Variants in PRDM16 observed in about 807,000 individuals in gnomAD.
PRDM16 encodes the protein PR/SET domain 16.
A neutral mutation model predicts 110.6 loss-of-function variants in PRDM16; 23 were observed. That is an observed-to-expected ratio of 0.21 (90% CI 0.15 to 0.29). The LOEUF is 0.29. Among genes scored for constraint, PRDM16 ranks in the 10% least tolerant of loss-of-function variants. PRDM16 has a pLI of 1.00. For synonymous variants in PRDM16, 799 were observed against 781.8 expected (o/e 1.02, Z -0.37); for missense variants, 1,615 against 1,794.3 (o/e 0.90, Z 1.81).
In PRDM16 at chr1:3,370,470, A is replaced by G. The variant is rs1642886355; in HGVS notation, c.439-14682A>G. On this transcript the variant is annotated intron_variant, in intron 3 of 16. Transcript: ENST00000270722. This position sits in a 1 kb window ranked among gnomAD's most constrained non-coding sequence, Gnocchi z 4.8. ...TCATTCATTTGTTCCCCAAGCATGC[A>G]TTGAGCACTCATGGTTTGCCTGGCT... Among the ~76,000 whole-genome samples the G allele has an allele frequency of 6.6e-6, 1 of 152,146 alleles. No individual in the cohort carries two copies. The highest frequency in any genetic ancestry group is 1.5e-5 in the Non-Finnish European group (1 of 68,038).
Position 3,369,510 on chromosome 1 carries a change from C to T in PRDM16, c.439-15642C>T, listed in dbSNP as rs186551276. ...AGTTTCCAGCATCTCCGTTCTTCCACATCCGCTGGGCAGCTGGGTATGAGG... is the reference window on the plus strand; with the variant it reads ...AGTTTCCAGCATCTCCGTTCTTCCATATCCGCTGGGCAGCTGGGTATGAGG... On this transcript the variant is annotated intron_variant, in intron 3 of 16. Transcript: ENST00000270722. 5.3e-5 allele frequency among the ~76,000 whole-genome samples: 8 copies of T among 151,362 alleles called. No homozygotes were observed. The East Asian group carries it at 1.5e-3, about 29-fold the overall frequency.
At chr1:3,402,481 G>T (rs1643488600) in intron 5 of PRDM16, among the ~76,000 whole-genome samples, 1 of 152,242 alleles carries the variant, frequency 6.6e-6, no homozygotes, top group South Asian at 2.1e-4. Flanking sequence ...CCCGAGCGGG[G>T]CCTTCTCCAG....
Position 3,321,849 on chromosome 1 carries a change from CGT to C in PRDM16, c.439-63297_439-63296del, listed in dbSNP as rs756820660. 9.8e-5 allele frequency among the ~76,000 whole-genome samples: 14 copies of C among 143,060 alleles called. No individual in the cohort carries two copies. The East Asian group carries it at 1.1e-3, about 11-fold the overall frequency. The allele number at this position is 143,060 out of a possible 152,430, so 93.9% of individuals were successfully genotyped here. A position where few individuals can be genotyped will look rare whatever the true frequency, so the allele number is the denominator to read the frequency against. Reference sequence around the variant, plus strand: ...ACATGTGTGCATTTGTGTGTGGGTCCGTGTGTGAGTGTGTGCATTTGTGTGTG... The same window carrying C: ...ACATGTGTGCATTTGTGTGTGGGTCCGTGTGAGTGTGTGCATTTGTGTGTG... On this transcript the variant is annotated intron_variant, in intron 3 of 16. Transcript: ENST00000270722.
chr1:3,353,549 AGCCAAGTACTGGGG>A lies in PRDM16; in HGVS notation c.439-31598_439-31585del, dbSNP rs1642535958. On this transcript the variant is annotated intron_variant, in intron 3 of 16. Transcript: ENST00000270722. The surrounding 1 kb of genome is among the most constrained non-coding windows in gnomAD (Gnocchi z 5.4). The stretch of plus-strand genomic sequence containing the variant: ...CCCTCGGGCCACCCCGTTACACTCC[AGCCAAGTACTGGGG>A]GCCACGGGCTGAGGGCACAGGCCAC... Among the ~76,000 whole-genome samples, 1 of 152,178 alleles carries A rather than the reference AGCCAAGTACTGGGG, an allele frequency of 6.6e-6. No individual in the cohort carries two copies. Among genetic ancestry groups the A allele is most frequent in the Non-Finnish European group, 1.5e-5 (1 of 68,012 alleles).
chr1:3,150,256 C>T (rs1643750702), intron 1 of PRDM16, among the ~76,000 whole-genome samples: 1 of 152,170 alleles, frequency 6.6e-6, no homozygotes, highest in South Asian at 2.1e-4. Flanking sequence ...CCTTGGCTAT[C>T]TAAAAATTGA....
chr1:3,394,318 G>A (rs1643349176), intron 4 of PRDM16, among the ~76,000 whole-genome samples: 1 of 149,970 alleles, frequency 6.7e-6, no homozygotes, highest in Non-Finnish European at 1.5e-5. Flanking sequence ...AGGCTCGGAG[G>A]CGCTCGGAGG....
At chr1:3,366,968 G>A (rs914865033) in intron 3 of PRDM16, among the ~76,000 whole-genome samples, 1 of 152,158 alleles carries the variant, frequency 6.6e-6, no homozygotes, top group Non-Finnish European at 1.5e-5. Context: ...GCTGACGACC[G>A]GTTAAAGATG....
At chr1:3,239,886 G>T (rs985302326) in intron 2 of PRDM16, among the ~76,000 whole-genome samples, 8 of 152,128 alleles carry the variant, frequency 5.3e-5, no homozygotes, top group African/African-American at 1.9e-4. Context: ...GGAGGTCGAG[G>T]TTGCAGTGAG....
chr1:3,390,938 C>T lies in PRDM16; in HGVS notation c.574-5553C>T, dbSNP rs1480348942. Among the ~76,000 whole-genome samples the T allele has an allele frequency of 2.0e-5, 3 of 151,464 alleles. No homozygotes were observed. Among genetic ancestry groups the T allele is most frequent in the African/African-American group, 7.3e-5 (3 of 41,236 alleles). On this transcript the variant is annotated intron_variant, in intron 4 of 16. Transcript: ENST00000270722. The surrounding 1 kb of genome is among the most constrained non-coding windows in gnomAD (Gnocchi z 5.0). ...GCAACCTCCGCCTCCCGGGTTCAAG[C>T]GATTCTCCTGTCTCAGCCTCTCAAG... is the stretch of plus-strand genomic sequence containing the variant.
At chr1:3,166,322 G>A (rs1253361510) in intron 1 of PRDM16, among the ~76,000 whole-genome samples, 1 of 152,256 alleles carries the variant, frequency 6.6e-6, no homozygotes, top group Non-Finnish European at 1.5e-5. Flanking sequence ...ATGCCCACGA[G>A]GGGTCCCTGC....
intron 2 of PRDM16, among the ~76,000 whole-genome samples, chr1:3,224,437 T>C (rs1434735141): frequency 6.6e-6 from 1 of 151,966 alleles, no homozygotes; most frequent in Non-Finnish European, 1.5e-5. Flanking sequence ...CAGCTTCCAA[T>C]TGCCACTCTC....
intron 1 of PRDM16, among the ~76,000 whole-genome samples, chr1:3,087,195 C>T (rs146420946): frequency 0.021 from 3,121 of 149,492 alleles, 115 homozygotes; most frequent in East Asian, 0.17. Flanking sequence ...CAGCCCCACC[C>T]GAGACCAGCC....
In PRDM16 at chr1:3,181,232, G is replaced by C. The variant is rs113074148; in HGVS notation, c.38-4893G>C. On this transcript the variant is annotated intron_variant, in intron 1 of 16. Coordinates refer to ENST00000270722, the MANE Select transcript of PRDM16 (RefSeq NM_022114.4). ...GTCTTACACACGCAGTCTTACACAC[G>C]GTCTTACACACAGTCTTACACACGC... is the stretch of plus-strand genomic sequence containing the variant. Among the ~76,000 whole-genome samples the C allele has an allele frequency of 5.3e-3, 414 of 78,210 alleles. 3 individuals carry two copies. Among genetic ancestry groups the C allele is most frequent in the African/African-American group, 0.016 (394 of 24,892 alleles). 51.3% of individuals were successfully genotyped at this position (78,210 alleles called of 152,430 possible). A position where few individuals can be genotyped will look rare whatever the true frequency, so the allele number is the denominator to read the frequency against.
chr1:3,129,160 G>T (rs1643278134), intron 1 of PRDM16, among the ~76,000 whole-genome samples: 1 of 148,370 alleles, frequency 6.7e-6, no homozygotes, highest in Non-Finnish European at 1.5e-5. Context: ...GTGCGTGTGT[G>T]GGTGGGTGTG....
intron 1 of PRDM16, among the ~76,000 whole-genome samples, chr1:3,183,183 T>C (rs1260438458): frequency 6.6e-6 from 1 of 152,166 alleles, no homozygotes; most frequent in Non-Finnish European, 1.5e-5. Context: ...GCCTGGGTGG[T>C]AGGCCAGTGA....
At chr1:3,421,191 C>G (rs1329892172) in intron 12 of PRDM16, among the ~76,000 whole-genome samples, 1 of 152,178 alleles carries the variant, frequency 6.6e-6, no homozygotes, top group Non-Finnish European at 1.5e-5. Context: ...AGCAGATCCC[C>G]CTGTAGTGGC....
At position 3,412,698 on chromosome 1, in the gene PRDM16, G is replaced by A. The variant is rs759104573; in HGVS notation, c.2501G>A (p.Gly834Asp). Reference sequence around the variant, plus strand: ...CACGTCTATGGGGAACGCAAGCTGGGCGCCGGCGAGGGGCTGCCCCAGGTG... The same window carrying A: ...CACGTCTATGGGGAACGCAAGCTGGACGCCGGCGAGGGGCTGCCCCAGGTG... ...KNHVYGERKL[G>D]AGEGLPQVCP... Residue 834 changes from glycine (G) to aspartate (D), a missense_variant, in exon 9 of 17, where the codon GGC becomes GAC. Physicochemically the swap from Gly to Asp is moderately conservative, Grantham distance 94. Transcript: ENST00000270722. 1.3e-5 allele frequency: 20 copies of A among 1,494,500 alleles called. No individual in the cohort carries two copies. Among genetic ancestry groups the A allele is most frequent in the Non-Finnish European group, 1.8e-5 (20 of 1,121,902 alleles). 92.6% of individuals were successfully genotyped at this position (1,494,500 alleles called of 1,614,324 possible). A position where few individuals can be genotyped will look rare whatever the true frequency, so the allele number is the denominator to read the frequency against.
chr1:3,296,505 C>A (rs1641092561), intron 3 of PRDM16, among the ~76,000 whole-genome samples: 1 of 152,266 alleles, frequency 6.6e-6, no homozygotes, highest in Non-Finnish European at 1.5e-5. Flanking sequence ...CCAGCCCTAA[C>A]CCGGGGCCTC....
Position 3,213,395 on chromosome 1 carries a change from G to A in PRDM16, c.387+26921G>A, listed in dbSNP as rs1449518617. On this transcript the variant is annotated intron_variant, in intron 2 of 16. Transcript: ENST00000270722. The surrounding 1 kb of genome is among the most constrained non-coding windows in gnomAD (Gnocchi z 5.3). Reference sequence around the variant, plus strand: ...GGGGGCGGGATGGCGGGTCCTGGGCGTCTCGGCTCCGCCATTGTCATTAAT... The same window carrying A: ...GGGGGCGGGATGGCGGGTCCTGGGCATCTCGGCTCCGCCATTGTCATTAAT... 3.3e-5 allele frequency among the ~76,000 whole-genome samples: 5 copies of A among 152,192 alleles called. No homozygotes were observed. Among genetic ancestry groups the A allele is most frequent in the East Asian group, 1.9e-4 (1 of 5,180 alleles).
Sources: gnomAD v4.1 joint callset for allele counts (sites outside exome capture counted in the v4.1 genomes callset) on GRCh38, gnomAD v4.1.1 for gene constraint, Gnocchi (gnomAD v3.1) non-coding constraint, MANE v1.5 for transcripts, NCBI Gene and HGNC (gene_info 2026-07-23, HGNC 2026-07-21) for gene names.